The following VEGFC variants were observed in gnomAD, a reference collection of about 807,000 sequenced individuals.
VEGFC encodes FLT4 ligand DHM.
In VEGFC, 12 loss-of-function variants were observed where a neutral mutation model predicts 46.1. That is an observed-to-expected ratio of 0.26 (90% CI 0.17 to 0.42). The LOEUF is 0.42. Ranked by LOEUF, VEGFC falls within the 10% of genes least tolerant of loss-of-function variation. The probability of loss-of-function intolerance (pLI) is 1.00; values close to 1 mark genes in which losing one functional copy is unlikely to be tolerated. For synonymous variants in VEGFC, 232 were observed against 195.5 expected (o/e 1.19, Z -1.56); for missense variants, 488 against 529.4 (o/e 0.92, Z 0.77).
rs1287482545 is a variant in VEGFC, at chr4:176,792,904, G to C, written c.-593C>G. Among the ~76,000 whole-genome samples the C allele has an allele frequency of 6.7e-6, 1 of 150,106 alleles. No individual in the cohort carries two copies. Among genetic ancestry groups the C allele is most frequent in the Non-Finnish European group, 1.5e-5 (1 of 67,084 alleles). On this transcript the variant is annotated 5_prime_UTR_variant, in exon 1 of 7. Coordinates refer to ENST00000618562, the MANE Select transcript of VEGFC (RefSeq NM_005429.5). This position sits in a 1 kb window ranked among gnomAD's most constrained non-coding sequence, Gnocchi z 6.3. ...GCTGAGCGGCGGCGGCGGCGGCGGC[G>C]GGCGCAGGGGCAGGGCATGACTGAC...
chr4:176,751,916 C>T (rs1339660696), intron 1 of VEGFC, among the ~76,000 whole-genome samples: 1 of 151,404 alleles, frequency 6.6e-6, no homozygotes, highest in Non-Finnish European at 1.5e-5. Flanking sequence ...CACCATGGGT[C>T]CCTGAGGCTT....
intron 1 of VEGFC, among the ~76,000 whole-genome samples, chr4:176,750,204 T>TA (rs1321407904): frequency 6.6e-6 from 1 of 151,788 alleles, no homozygotes; most frequent in African/African-American, 2.4e-5. Flanking sequence ...TCTCTGAAAC[T>TA]AAATGTAAAG....
chr4:176,728,184 A>G (rs1734904677), intron 2 of VEGFC, among the ~76,000 whole-genome samples: 1 of 152,230 alleles, frequency 6.6e-6, no homozygotes, highest in Non-Finnish European at 1.5e-5. Flanking sequence ...ACTCATTTCT[A>G]TAGCTAGGCA....
chr4:176,755,099 C>T (rs2110900780), intron 1 of VEGFC, among the ~76,000 whole-genome samples: 1 of 152,060 alleles, frequency 6.6e-6, no homozygotes, highest in African/African-American at 2.4e-5. Flanking sequence ...TCTGTTGGTT[C>T]CAATTCGTAT....
intron 1 of VEGFC, among the ~76,000 whole-genome samples, chr4:176,761,943 A>C (rs188041904): frequency 2.8e-4 from 43 of 152,344 alleles, no homozygotes; most frequent in African/African-American, 9.9e-4. Flanking sequence ...AAAGCAATTA[A>C]GAGTAAGCTC....
At chr4:176,700,387 AGCCTGG>A in intron 4 of VEGFC, among the ~76,000 whole-genome samples, 1 of 152,102 alleles carries the variant, frequency 6.6e-6, no homozygotes, top group South Asian at 2.1e-4. Flanking sequence ...ACTGCACTCT[AGCCTGG>A]GCAACAGCAT....
chr4:176,687,134 T>G (rs537346942), intron 6 of VEGFC, 53 bp downstream of exon 6: 1 of 1,546,058 alleles, frequency 6.5e-7, no homozygotes, highest in Non-Finnish European at 8.7e-7. Flanking sequence ...TGCTTTTGGT[T>G]TAGAGCATAT....
At chr4:176,751,676 T>A (rs529160282) in intron 1 of VEGFC, among the ~76,000 whole-genome samples, 1 of 152,078 alleles carries the variant, frequency 6.6e-6, no homozygotes, top group South Asian at 2.1e-4. Context: ...GAAGAATGTA[T>A]GTTCAGCACA....
chr4:176,709,903 A>G (rs189661390), intron 4 of VEGFC, among the ~76,000 whole-genome samples: 1 of 152,336 alleles, frequency 6.6e-6, no homozygotes, highest in East Asian at 1.9e-4. Context: ...GAAGTGGATG[A>G]TAATGGCAGT....
intron 1 of VEGFC, among the ~76,000 whole-genome samples, chr4:176,741,701 T>C (rs753192938): frequency 2.0e-5 from 3 of 151,880 alleles, no homozygotes; most frequent in Non-Finnish European, 2.9e-5. Flanking sequence ...GTACTGTTCA[T>C]TAGAAAAAAG....
intron 1 of VEGFC, among the ~76,000 whole-genome samples, chr4:176,745,834 A>G (rs1333330956): frequency 5.9e-5 from 9 of 152,054 alleles, no homozygotes; most frequent in Non-Finnish European, 1.3e-4. Context: ...GAAGAAAGAG[A>G]TATCTTTTTG....
chr4:176,688,840 A>T (rs1249930208), intron 4 of VEGFC, among the ~76,000 whole-genome samples: 1 of 152,192 alleles, frequency 6.6e-6, no homozygotes, highest in Non-Finnish European at 1.5e-5. Flanking sequence ...CACACCTGGC[A>T]TCAGCCATTT....
chr4:176,740,172 TA>T (rs1735138771), intron 1 of VEGFC, among the ~76,000 whole-genome samples: 1 of 125,098 alleles, frequency 8.0e-6, no homozygotes, highest in African/African-American at 3.2e-5. Flanking sequence ...AGAATATATA[TA>T]ACTATATATA....
chr4:176,684,086 T>C (rs1490857321), intron 6 of VEGFC, 46 bp from the exon 7 acceptor site: 2 of 1,346,892 alleles, frequency 1.5e-6, no homozygotes, highest in Non-Finnish European at 2.1e-6. Flanking sequence ...ATCAAGGCAA[T>C]GGATTCATCA....
chr4:176,723,755 T>TCATGTCATGGGGGTTGTTGCACAGA (rs1560946239), intron 3 of VEGFC, among the ~76,000 whole-genome samples: 2 of 150,808 alleles, frequency 1.3e-5, no homozygotes, highest in South Asian at 2.1e-4. Flanking sequence ...ATAGGTAAAC[T>TCATGTCATGGGGGTTGTTGCACAGA]TTTATTTTAG....
chr4:176,688,788 G>C (rs1331912879), intron 4 of VEGFC, among the ~76,000 whole-genome samples: 1 of 152,086 alleles, frequency 6.6e-6, no homozygotes, highest in Admixed American at 6.5e-5. Context: ...CCCTCTCTGG[G>C]GTGAACATAT....
intron 1 of VEGFC, among the ~76,000 whole-genome samples, chr4:176,753,850 A>G (rs558519534): frequency 1.3e-5 from 2 of 152,096 alleles, no homozygotes; most frequent in Non-Finnish European, 2.9e-5. Flanking sequence ...GACTAGGATT[A>G]TGTGGTTTAA....
chr4:176,776,287 CAA>C (rs1161547350), intron 1 of VEGFC, among the ~76,000 whole-genome samples: 4 of 152,018 alleles, frequency 2.6e-5, no homozygotes, highest in Admixed American at 2.6e-4. Flanking sequence ...CAAAAAAAAG[CAA>C]AAGTTTTCCC....
intron 4 of VEGFC, among the ~76,000 whole-genome samples, chr4:176,691,618 G>A (rs1418832202): frequency 6.6e-6 from 1 of 152,016 alleles, no homozygotes; most frequent in Non-Finnish European, 1.5e-5. Context: ...AAAATCACGT[G>A]ACAAAAATAT....
Sources: gnomAD v4.1 joint callset for allele counts (sites outside exome capture counted in the v4.1 genomes callset) on GRCh38, gnomAD v4.1.1 for gene constraint, Gnocchi (gnomAD v3.1) non-coding constraint, MANE v1.5 for transcripts, NCBI Gene and HGNC (gene_info 2026-07-23, HGNC 2026-07-21) for gene names.